The following APBA1 variants were observed in gnomAD, a reference collection of about 807,000 sequenced individuals.
APBA1 encodes the protein amyloid beta precursor protein binding family A member 1.
A neutral mutation model predicts 86.6 loss-of-function variants in APBA1; 55 were observed. The ratio of observed to expected loss-of-function variants is 0.64; its 90% CI spans 0.51 to 0.80. The LOEUF is 0.80. APBA1 is among the 30% of genes least tolerant of loss of function. The pLI is 0.00. For missense variants in APBA1, 1,090 were observed against 1,183.0 expected (o/e 0.92, Z 1.15); for synonymous variants, 511 against 493.9 (o/e 1.03, Z -0.46).
intron 1 of APBA1, among the ~76,000 whole-genome samples, chr9:69,529,556 A>G (rs1836392437): frequency 1.3e-5 from 2 of 152,166 alleles, no homozygotes; most frequent in Non-Finnish European, 1.5e-5. Flanking sequence ...CAGAATGTAA[A>G]GAGATATGGT....
chr9:69,650,790 T>C (rs1241979163), intron 1 of APBA1, among the ~76,000 whole-genome samples: 1 of 152,220 alleles, frequency 6.6e-6, no homozygotes, highest in Non-Finnish European at 1.5e-5. Context: ...TACATACATC[T>C]ATCCTTGAAT....
intron 1 of APBA1, among the ~76,000 whole-genome samples, chr9:69,657,269 T>C (rs1025000210): frequency 1.3e-5 from 2 of 152,212 alleles, no homozygotes; most frequent in African/African-American, 2.4e-5. Context: ...TTGCATCCCA[T>C]TGAGTCCAGC....
At chr9:69,527,242 A>C (rs778088848) in intron 1 of APBA1, among the ~76,000 whole-genome samples, 3 of 152,090 alleles carry the variant, frequency 2.0e-5, no homozygotes, top group Non-Finnish European at 4.4e-5. Flanking sequence ...ATTTTAAAAA[A>C]TTGTGAAAAA....
chr9:69,669,085 T>A (rs752574473), intron 1 of APBA1, among the ~76,000 whole-genome samples: 1 of 152,210 alleles, frequency 6.6e-6, no homozygotes, highest in African/African-American at 2.4e-5. Context: ...CCTCCAACCC[T>A]TCTCAACATT....
At position 69,467,800 on chromosome 9, in the gene APBA1, T is replaced by A. The variant is rs371575632; in HGVS notation, c.1482+23A>T. 5.0e-6 allele frequency: 8 copies of A among 1,613,862 alleles called. No homozygotes were observed. The African/African-American group carries it at 9.3e-5, about 19-fold the overall frequency. On this transcript the variant is annotated intron_variant, in intron 5 of 12. Transcript: ENST00000265381. ...TGCCTACACCAGCCCCCTGTCCCTG[T>A]TGGAGCACCCAGATGTCCTCACCTT...
intron 1 of APBA1, among the ~76,000 whole-genome samples, chr9:69,630,016 A>G (rs967392788): frequency 1.1e-4 from 17 of 152,208 alleles, no homozygotes; most frequent in Admixed American, 9.8e-4. Context: ...ACAAGTCATA[A>G]TAAGTATTAA....
intron 5 of APBA1, among the ~76,000 whole-genome samples, chr9:69,459,627 T>A (rs567651315): frequency 2.0e-5 from 3 of 152,360 alleles, no homozygotes; most frequent in African/African-American, 7.2e-5. Context: ...TTGCTCACAA[T>A]TAAAAGACAG....
At chr9:69,615,156 C>A (rs997959437) in intron 1 of APBA1, among the ~76,000 whole-genome samples, 12 of 152,206 alleles carry the variant, frequency 7.9e-5, no homozygotes, top group Non-Finnish European at 1.8e-4. Flanking sequence ...GCCGAGATCA[C>A]GCCACTGCGT....
intron 2 of APBA1, among the ~76,000 whole-genome samples, chr9:69,486,791 T>C (rs1442616825): frequency 6.6e-6 from 1 of 151,664 alleles, no homozygotes; most frequent in African/African-American, 2.4e-5. Flanking sequence ...CCATGGAGGA[T>C]AGCACAGGGT....
chr9:69,530,525 C>T (rs993074979), intron 1 of APBA1, among the ~76,000 whole-genome samples: 5 of 151,794 alleles, frequency 3.3e-5, no homozygotes, highest in East Asian at 1.9e-4. Context: ...TGGGTACACA[C>T]GGATATGAAG....
intron 1 of APBA1, 47 bp from the exon 2 acceptor site, chr9:69,517,326 G>A (rs906477241): frequency 1.5e-6 from 2 of 1,373,782 alleles, no homozygotes; most frequent in Admixed American, 6.9e-5. Flanking sequence ...GCAAACAGTC[G>A]TTATGAGCTG....
rs568041546 is a variant in APBA1, at chr9:69,462,920, T to C, written c.1483-4732A>G. On this transcript the variant is annotated intron_variant, in intron 5 of 12. Transcript: ENST00000265381. ...CCTGAAAACCTGTACTTCTAAGAAGTTTGTAGGCAATGCTGATGCTACTGG... is the reference window on the plus strand; with the variant it reads ...CCTGAAAACCTGTACTTCTAAGAAGCTTGTAGGCAATGCTGATGCTACTGG... The C allele has an allele frequency of 4.6e-5, 7 of 152,234 alleles. No homozygotes were observed. The East Asian group carries it at 1.4e-3, about 29-fold the overall frequency. 9.4% of individuals were successfully genotyped at this position (152,234 alleles called of 1,614,324 possible).
intron 2 of APBA1, among the ~76,000 whole-genome samples, chr9:69,496,540 C>CT (rs1168639268): frequency 1.3e-5 from 2 of 152,042 alleles, no homozygotes; most frequent in African/African-American, 4.8e-5. Flanking sequence ...ACTGCCCTCT[C>CT]TCTCCTCATT....
intron 1 of APBA1, among the ~76,000 whole-genome samples, chr9:69,665,733 G>T (rs939002069): frequency 6.6e-6 from 1 of 152,178 alleles, no homozygotes; most frequent in Non-Finnish European, 1.5e-5. Context: ...CCAAGGAGCA[G>T]AACTACTTCC....
chr9:69,458,214 C>T, intron 5 of APBA1, 26 bp from the exon 6 acceptor site: 2 of 1,598,900 alleles, frequency 1.3e-6, no homozygotes, highest in South Asian at 2.3e-5. Flanking sequence ...CAAACAGAGA[C>T]AGGAGAATAG....
chr9:69,634,277 C>A lies in APBA1; in HGVS notation c.-70+37876G>T, dbSNP rs149453803. ...AACTTTGCATTGAAACTCAGTGCTG[C>A]CTTGTTGCAGCAGAAAGCAATACCA... On this transcript the variant is annotated intron_variant, in intron 1 of 12. Coordinates refer to ENST00000265381, the MANE Select transcript of APBA1 (RefSeq NM_001163.4). 1.8e-4 allele frequency among the ~76,000 whole-genome samples: 28 copies of A among 152,214 alleles called. No homozygotes were observed. In the East Asian group the frequency reaches 5.0e-3, roughly 27 times the overall value.
intron 1 of APBA1, among the ~76,000 whole-genome samples, chr9:69,586,114 A>AG (rs1822014572): frequency 6.6e-6 from 1 of 152,160 alleles, no homozygotes; most frequent in Non-Finnish European, 1.5e-5. Context: ...TGCTGGGGCA[A>AG]GCAGCTAGAG....
At chr9:69,458,765 T>C (rs1330926895) in intron 5 of APBA1, among the ~76,000 whole-genome samples, 1 of 152,112 alleles carries the variant, frequency 6.6e-6, no homozygotes, top group Non-Finnish European at 1.5e-5. Flanking sequence ...ATTGTATTAT[T>C]AATTTTGATA....
chr9:69,440,937 C>T (rs916401929), intron 11 of APBA1, 59 bp downstream of exon 11: 1 of 1,583,360 alleles, frequency 6.3e-7, no homozygotes, highest in South Asian at 1.2e-5. Context: ...CCCCCCCAGC[C>T]ATGCTACATT....
Sources: allele counts gnomAD v4.1 joint callset (sites outside exome capture counted in the v4.1 genomes callset), GRCh38; gene constraint gnomAD v4.1.1; transcripts MANE v1.5; gene names NCBI Gene and HGNC (gene_info 2026-07-23, HGNC 2026-07-21).